PLXNA2: variants seen among roughly 807,000 people sequenced by gnomAD.
PLXNA2 encodes the protein plexin-A2.
Under a neutral mutation model 193.5 loss-of-function variants are expected in PLXNA2, and 91 were observed. That is an observed-to-expected ratio of 0.47 (90% CI 0.40 to 0.56). The LOEUF (loss-of-function observed/expected upper bound fraction) is 0.56, where lower values mean the gene tolerates loss of function less well. Ranked by LOEUF, PLXNA2 falls within the 20% of genes least tolerant of loss-of-function variation. The probability of loss-of-function intolerance (pLI) is 0.00; values close to 1 mark genes in which losing one functional copy is unlikely to be tolerated. For synonymous variants in PLXNA2, 997 were observed against 1,027.3 expected (o/e 0.97, Z 0.56); for missense variants, 1,995 against 2,503.2 (o/e 0.80, Z 4.33).
chr1:208,031,413 C>G, intron 29 of PLXNA2, 177 bp downstream of exon 29: 1 of 1,338,600 alleles, frequency 7.5e-7, no homozygotes. Flanking sequence ...GCACAGGCAG[C>G]TGGGGACCGT....
intron 12 of PLXNA2, among the ~76,000 whole-genome samples, chr1:208,065,850 C>T (rs972464919): frequency 4.6e-5 from 7 of 152,240 alleles, no homozygotes; most frequent in African/African-American, 7.2e-5. Context: ...TGGAAGAACA[C>T]TGGCCCTGTA....
intron 4 of PLXNA2, among the ~76,000 whole-genome samples, chr1:208,123,942 A>G (rs375993766): frequency 7.2e-5 from 11 of 152,284 alleles, no homozygotes; most frequent in African/African-American, 2.4e-4. Flanking sequence ...CCAGGTATCT[A>G]TTCCATCTAG....
At position 208,225,363 on chromosome 1, in the gene PLXNA2, C is replaced by T. The variant is rs543735740; in HGVS notation, c.-80-7361G>A. Reference sequence around the variant, plus strand: ...TGTCTCCCAGTCTGGAGTGCAGTGGCGCGATCTCAGCTCCTTGCAGCCTCC... The same window carrying T: ...TGTCTCCCAGTCTGGAGTGCAGTGGTGCGATCTCAGCTCCTTGCAGCCTCC... On this transcript the variant is annotated intron_variant, in intron 1 of 31. Transcript: ENST00000367033. 5.3e-5 allele frequency among the ~76,000 whole-genome samples: 8 copies of T among 152,212 alleles called. No individual in the cohort carries two copies. The East Asian group carries it at 5.8e-4, about 11-fold the overall frequency.
intron 26 of PLXNA2, among the ~76,000 whole-genome samples, chr1:208,035,672 C>T (rs1211395360): frequency 6.6e-6 from 1 of 152,160 alleles, no homozygotes; most frequent in East Asian, 1.9e-4. Context: ...ATGTTATGGG[C>T]CATAAAACAT....
chr1:208,113,360 G>A (rs1667545500), intron 4 of PLXNA2, among the ~76,000 whole-genome samples: 1 of 152,134 alleles, frequency 6.6e-6, no homozygotes, highest in Admixed American at 6.5e-5. Flanking sequence ...TGAGGCCCCA[G>A]GACACACAGA....
chr1:208,167,357 T>G (rs1051355208), intron 3 of PLXNA2, among the ~76,000 whole-genome samples: 2 of 152,142 alleles, frequency 1.3e-5, no homozygotes, highest in Admixed American at 6.5e-5. Flanking sequence ...TTGAATGTAC[T>G]CCATTGCACC....
intron 3 of PLXNA2, among the ~76,000 whole-genome samples, chr1:208,154,006 G>C (rs755025721): frequency 3.8e-5 from 5 of 131,804 alleles, no homozygotes; most frequent in Non-Finnish European, 6.3e-5. Flanking sequence ...TCTGGGGCCA[G>C]ATCATTCTAA....
In PLXNA2 at chr1:208,082,452, C is replaced by T. The variant is rs1666377336; in HGVS notation, c.2355G>A (p.Trp785Ter). 1 of 1,613,994 alleles carries T rather than the reference C, an allele frequency of 6.2e-7. No individual in the cohort carries two copies. The highest frequency in any genetic ancestry group is 1.7e-5 in the Admixed American group (1 of 60,006). Residue 785 changes from tryptophan (W) to a stop codon, truncating the protein, a stop_gained, in exon 11 of 32, where the codon TGG (tryptophan) becomes TGA (stop). Transcript: ENST00000367033. LOFTEE classifies it high-confidence loss of function. This position sits in a 1 kb window ranked among gnomAD's most constrained non-coding sequence, Gnocchi z 4.2. ...GGTTGTCAATGATGAAATTGCCGTTCCACACCACAGCGAAATCCACGGCCA... is the reference window on the plus strand; with the variant it reads ...GGTTGTCAATGATGAAATTGCCGTTTCACACCACAGCGAAATCCACGGCCA... ...SNLAVDFAVV[W>*]NGNFIIDNPQ...
chr1:208,194,475 AAAAAAG>A (rs1670290226), intron 3 of PLXNA2, among the ~76,000 whole-genome samples: 2 of 146,206 alleles, frequency 1.4e-5, no homozygotes, highest in South Asian at 2.2e-4. Context: ...AAAAAAAAAA[AAAAAAG>A]AAAGAAAAAA....
intron 3 of PLXNA2, among the ~76,000 whole-genome samples, chr1:208,209,829 T>C (rs762442781): frequency 2.0e-5 from 3 of 152,034 alleles, no homozygotes; most frequent in South Asian, 2.1e-4. Flanking sequence ...GGTCTTAGAA[T>C]TGGGACCAGT....
intron 1 of PLXNA2, among the ~76,000 whole-genome samples, chr1:208,219,563 A>G (rs1443694942): frequency 6.6e-6 from 1 of 152,198 alleles, no homozygotes; most frequent in Non-Finnish European, 1.5e-5. Flanking sequence ...AGCTTAGGAG[A>G]GGCCTTTCTC....
chr1:208,039,717 C>G lies in PLXNA2; in HGVS notation c.4404G>C (p.Gln1468His). 6.2e-7 allele frequency: 1 copy of G among 1,614,212 alleles called. No individual in the cohort carries two copies. Among genetic ancestry groups the G allele is most frequent in the East Asian group, 2.2e-5 (1 of 44,856 alleles). ...LFMLYCAIKQQMEKGPIDAIT... is the reference protein window; with the variant it reads ...LFMLYCAIKQHMEKGPIDAIT... ...TGGCATCAATGGGGCCCTTCTCCAT[C>G]TGCTGCTTGATGGCACAGTATAGCA... Residue 1468 changes from glutamine (Q) to histidine (H), a missense_variant, in exon 24 of 32, where the codon CAG (glutamine) becomes CAC (histidine). Coordinates refer to ENST00000367033, the MANE Select transcript of PLXNA2 (RefSeq NM_025179.4).
At chr1:208,205,193 T>C (rs1010863142) in intron 3 of PLXNA2, among the ~76,000 whole-genome samples, 5 of 152,216 alleles carry the variant, frequency 3.3e-5, no homozygotes, top group African/African-American at 1.2e-4. Context: ...GCCTCCTGTC[T>C]CCGCCCTGAA....
At position 208,052,412 on chromosome 1, in the gene PLXNA2, T is replaced by C. The variant is rs760702524; in HGVS notation, c.2908A>G (p.Thr970Ala). The C allele has an allele frequency of 5.0e-6, 8 of 1,614,132 alleles. No individual in the cohort carries two copies. The Admixed American group carries it at 1.3e-4, about 27-fold the overall frequency. The part of the protein sequence containing the change: ...NPIRGPESGG[T>A]MVTITGHYLG... ...TAATGGCCGGTAATGGTCACCATAGTGCCTCCTGACTCGGGACCTCGGATT... is the reference window on the plus strand; with the variant it reads ...TAATGGCCGGTAATGGTCACCATAGCGCCTCCTGACTCGGGACCTCGGATT... The change falls in exon 15 of 32, where the codon ACT (threonine) becomes GCT (alanine). Residue 970 changes from threonine to alanine, a missense_variant. This residue lies in a region of PLXNA2 where 1,291 missense variants were observed against 1,673.6 expected (regional missense o/e 0.77). Transcript: ENST00000367033.
intron 3 of PLXNA2, among the ~76,000 whole-genome samples, chr1:208,209,813 AC>A (rs1479882497): frequency 6.6e-6 from 1 of 151,972 alleles, no homozygotes; most frequent in African/African-American, 2.4e-5. Flanking sequence ...CCCACCGTTT[AC>A]CCCAGGTCTT....
intron 9 of PLXNA2, among the ~76,000 whole-genome samples, chr1:208,089,312 G>C (rs1325456906): frequency 6.6e-6 from 1 of 152,198 alleles, no homozygotes; most frequent in Non-Finnish European, 1.5e-5. Context: ...GTTGAAGTCA[G>C]GCCAGCAAGT....
intron 4 of PLXNA2, among the ~76,000 whole-genome samples, chr1:208,135,359 A>C (rs1668271189): frequency 6.6e-6 from 1 of 152,204 alleles, no homozygotes; most frequent in South Asian, 2.1e-4. Flanking sequence ...CCACATACTG[A>C]AGGTAAGTCA....
chr1:208,217,707 C>T lies in PLXNA2; in HGVS notation c.216G>A (p.Lys72=). 1 of 1,614,208 alleles carries T rather than the reference C, an allele frequency of 6.2e-7. No individual in the cohort carries two copies. Among genetic ancestry groups the T allele is most frequent in the East Asian group, 2.2e-5 (1 of 44,882 alleles). Residue 72 remains lysine, a synonymous_variant, in exon 2 of 32, where the codon AAG becomes AAA. Coordinates refer to ENST00000367033, the MANE Select transcript of PLXNA2 (RefSeq NM_025179.4). This position sits in a 1 kb window ranked among gnomAD's most constrained non-coding sequence, Gnocchi z 4.7. ...CCTGGATGGTCAGGTTGCCTGTCAG[C>T]TTATAGACCCGGTTGATGGCCCCCA... ...VYVGAINRVY[K]LTGNLTIQVA...
At chr1:208,143,333 T>C (rs1668509399) in intron 3 of PLXNA2, among the ~76,000 whole-genome samples, 1 of 152,190 alleles carries the variant, frequency 6.6e-6, no homozygotes, top group African/African-American at 2.4e-5. Flanking sequence ...GCTTGGTGAA[T>C]GCACTGCGAG....
Sources: allele counts gnomAD v4.1 joint callset (sites outside exome capture counted in the v4.1 genomes callset), GRCh38; gene constraint gnomAD v4.1.1; regional missense constraint gnomAD v4.1.1; non-coding constraint Gnocchi (gnomAD v3.1); transcripts MANE v1.5; gene names NCBI Gene and HGNC (gene_info 2026-07-23, HGNC 2026-07-21).